The following CEP128 variants were observed in gnomAD, a reference collection of about 807,000 sequenced individuals.
CEP128 encodes the protein centrosomal protein 128kDa.
CEP128 carries 132 observed loss-of-function variants against 156.7 expected under a neutral mutation model. The ratio of observed to expected loss-of-function variants is 0.84; its 90% CI spans 0.73 to 0.97. The LOEUF (loss-of-function observed/expected upper bound fraction) is 0.97, where lower values mean the gene tolerates loss of function less well. CEP128 is among the 50% of genes least tolerant of loss of function. The pLI, the probability that CEP128 is intolerant of heterozygous loss-of-function variation, is 0.00. For synonymous variants in CEP128, 469 were observed against 448.9 expected, an observed-to-expected ratio of 1.04 and a Z score of -0.57; for missense variants, 1,252 against 1,281.9, an observed-to-expected ratio of 0.98 and a Z score of 0.36.
intron 19 of CEP128, among the ~76,000 whole-genome samples, chr14:80,642,403 G>A (rs1894455235): frequency 6.6e-6 from 1 of 152,216 alleles, no homozygotes; most frequent in Non-Finnish European, 1.5e-5. Context: ...AGAGAGACAA[G>A]GCTGGTGCTA....
At chr14:80,863,211 A>G (rs1282613088) in intron 8 of CEP128, among the ~76,000 whole-genome samples, 2 of 152,176 alleles carry the variant, frequency 1.3e-5, no homozygotes, top group East Asian at 1.9e-4. Flanking sequence ...GAAAATACCA[A>G]TTTTGCTAAA....
intron 24 of CEP128, among the ~76,000 whole-genome samples, chr14:80,504,284 A>C (rs1477399101): frequency 6.6e-6 from 1 of 152,224 alleles, no homozygotes; most frequent in African/African-American, 2.4e-5. Flanking sequence ...GATATAAAGA[A>C]AAATTGTAGC....
chr14:80,574,497 G>C (rs1891273771), intron 20 of CEP128, among the ~76,000 whole-genome samples: 1 of 152,184 alleles, frequency 6.6e-6, no homozygotes, highest in Non-Finnish European at 1.5e-5. Context: ...ACTGGGTATT[G>C]AGAGGTTCAT....
At chr14:80,643,594 C>T (rs1310238782) in intron 19 of CEP128, among the ~76,000 whole-genome samples, 1 of 152,076 alleles carries the variant, frequency 6.6e-6, no homozygotes, top group African/African-American at 2.4e-5. Context: ...CCTGTAATCC[C>T]AGCTACTCGG....
At chr14:80,652,062 T>A (rs940399518) in intron 19 of CEP128, among the ~76,000 whole-genome samples, 1 of 151,916 alleles carries the variant, frequency 6.6e-6, no homozygotes, top group Non-Finnish European at 1.5e-5. Flanking sequence ...ATCGGATCTT[T>A]GACAAAGCTG....
At chr14:80,958,705 T>C (rs1886850888) in intron 1 of CEP128, among the ~76,000 whole-genome samples, 1 of 152,120 alleles carries the variant, frequency 6.6e-6, no homozygotes, top group Admixed American at 6.6e-5. Context: ...TTATGGAAGG[T>C]ATTCCTTGCT....
chr14:80,480,017 C>T (rs1168186235), intron 14 of CEP128, among the ~76,000 whole-genome samples: 1 of 152,158 alleles, frequency 6.6e-6, no homozygotes, highest in African/African-American at 2.4e-5. Flanking sequence ...TGGGCAGCTC[C>T]ACTCTGTGGC....
At chr14:80,521,843 T>C (rs971054415) in intron 23 of CEP128, among the ~76,000 whole-genome samples, 1 of 152,324 alleles carries the variant, frequency 6.6e-6, no homozygotes, top group South Asian at 2.1e-4. Flanking sequence ...TAGAAGGGCA[T>C]TTCCCAAACA....
At chr14:80,808,358 G>A (rs1884306893) in intron 13 of CEP128, among the ~76,000 whole-genome samples, 1 of 152,138 alleles carries the variant, frequency 6.6e-6, no homozygotes, top group Admixed American at 6.5e-5. Context: ...CTGCAGTACT[G>A]TTGCCATAGA....
At chr14:80,639,973 G>T (rs1894342590) in intron 19 of CEP128, among the ~76,000 whole-genome samples, 1 of 152,126 alleles carries the variant, frequency 6.6e-6, no homozygotes, top group Non-Finnish European at 1.5e-5. Flanking sequence ...TGAGACCAAA[G>T]AAAGCACTCA....
intron 19 of CEP128, among the ~76,000 whole-genome samples, chr14:80,591,862 C>T (rs1892086095): frequency 6.6e-6 from 1 of 152,170 alleles, no homozygotes; most frequent in Non-Finnish European, 1.5e-5. Context: ...TCACTCAAAA[C>T]CGTACAACTA....
At chr14:80,599,265 C>CTTTT (rs375136337) in intron 19 of CEP128, among the ~76,000 whole-genome samples, 89 of 85,406 alleles carry the variant, frequency 1.0e-3, no homozygotes, top group African/African-American at 1.3e-3. Context: ...CAGTCATATT[C>CTTTT]TTTTTTTTTT....
chr14:80,717,624 A>C (rs2139442315), intron 19 of CEP128, among the ~76,000 whole-genome samples: 1 of 152,328 alleles, frequency 6.6e-6, no homozygotes, highest in African/African-American at 2.4e-5. Flanking sequence ...TTAAAAAAAA[A>C]CTTGAGATAT....
At chr14:80,546,113 G>C (rs1257638287) in intron 21 of CEP128, among the ~76,000 whole-genome samples, 1 of 152,202 alleles carries the variant, frequency 6.6e-6, no homozygotes, top group Admixed American at 6.5e-5. Flanking sequence ...CAAATGTCCT[G>C]ATTAATGGGC....
chr14:80,627,621 C>T (rs899492202), intron 19 of CEP128, among the ~76,000 whole-genome samples: 3 of 151,480 alleles, frequency 2.0e-5, no homozygotes, highest in African/African-American at 7.3e-5. Context: ...TTAGATTGTA[C>T]ATAAGAGAAA....
chr14:80,734,815 T>A (rs1423817102), intron 19 of CEP128, among the ~76,000 whole-genome samples: 1 of 118,826 alleles, frequency 8.4e-6, no homozygotes, highest in Non-Finnish European at 1.6e-5. Flanking sequence ...ACCACTGCAC[T>A]CCAGCCTGGT....
intron 21 of CEP128, among the ~76,000 whole-genome samples, chr14:80,553,609 G>T (rs1013662349): frequency 6.6e-6 from 1 of 152,128 alleles, no homozygotes; most frequent in African/African-American, 2.4e-5. Context: ...TTCTTCAGAA[G>T]TTTCTTGGCT....
intron 9 of CEP128, among the ~76,000 whole-genome samples, chr14:80,845,803 A>G (rs1178020576): frequency 6.6e-6 from 1 of 152,206 alleles, no homozygotes; most frequent in African/African-American, 2.4e-5. Flanking sequence ...CAATATTACT[A>G]TGCACTCAGT....
At chr14:80,598,520 C>G (rs930582956) in intron 19 of CEP128, among the ~76,000 whole-genome samples, 1 of 152,078 alleles carries the variant, frequency 6.6e-6, no homozygotes, top group Non-Finnish European at 1.5e-5. Flanking sequence ...TTAGAAGACT[C>G]ACATAGTAAA....
Sources: allele counts gnomAD v4.1 joint callset (sites outside exome capture counted in the v4.1 genomes callset), GRCh38; gene constraint gnomAD v4.1.1; transcripts MANE v1.5; gene names NCBI Gene and HGNC (gene_info 2026-07-23, HGNC 2026-07-21).